Variants in CCDC7 observed in about 807,000 individuals in gnomAD.
CCDC7 encodes the protein coiled-coil domain-containing protein 7.
A neutral mutation model predicts 196.9 loss-of-function variants in CCDC7; 183 were observed. The observed-to-expected ratio is 0.93, with a 90% CI of 0.82 to 1.05. The LOEUF (loss-of-function observed/expected upper bound fraction) is 1.05, where lower values mean the gene tolerates loss of function less well. Ranked by LOEUF, CCDC7 falls within the 50% of genes least tolerant of loss-of-function variation. The pLI is 0.00. For synonymous variants in CCDC7, 525 were observed against 484.6 expected (o/e 1.08, Z -1.10); for missense variants, 1,540 against 1,482.2 (o/e 1.04, Z -0.64).
intron 14 of CCDC7, among the ~76,000 whole-genome samples, chr10:32,566,965 A>G (rs1589982341): frequency 7.5e-6 from 1 of 132,592 alleles, no homozygotes; most frequent in South Asian, 2.5e-4. Context: ...AGGGTTTTTT[A>G]TATATAAATA....
intron 8 of CCDC7, among the ~76,000 whole-genome samples, chr10:32,483,282 C>T (rs2040336488): frequency 6.6e-6 from 1 of 152,196 alleles, no homozygotes; most frequent in Non-Finnish European, 1.5e-5. Context: ...TGTCTTTTGG[C>T]TGCATAAAAG....
chr10:32,468,324 AG>A (rs151074963), intron 5 of CCDC7, among the ~76,000 whole-genome samples: 20,381 of 151,922 alleles, frequency 0.13, 1,611 homozygotes, highest in African/African-American at 0.22. Flanking sequence ...CTGTATTCCT[AG>A]GTATTCTTTT....
chr10:32,740,850 C>G (rs1243185784), intron 28 of CCDC7, among the ~76,000 whole-genome samples: 1 of 151,652 alleles, frequency 6.6e-6, no homozygotes, highest in Non-Finnish European at 1.5e-5. Flanking sequence ...TTAAAGTAAC[C>G]TTTTTTATCA....
chr10:32,766,395 G>T (rs1412673258), intron 28 of CCDC7, among the ~76,000 whole-genome samples: 1 of 152,106 alleles, frequency 6.6e-6, no homozygotes, highest in East Asian at 1.9e-4. Flanking sequence ...AACAAGAGAA[G>T]GTTCTGCAAC....
chr10:32,797,790 G>A (rs1170607598), intron 29 of CCDC7, among the ~76,000 whole-genome samples: 1 of 152,164 alleles, frequency 6.6e-6, no homozygotes, highest in African/African-American at 2.4e-5. Flanking sequence ...TCCTGGCTAT[G>A]GGGGAACGAG....
chr10:32,609,553 A>G (rs978094421), intron 18 of CCDC7, among the ~76,000 whole-genome samples: 3 of 148,874 alleles, frequency 2.0e-5, no homozygotes, highest in African/African-American at 7.4e-5. Flanking sequence ...ATAGCTTTTA[A>G]GTGGGGAACT....
At chr10:32,577,831 G>A (rs998208551) in intron 16 of CCDC7, among the ~76,000 whole-genome samples, 1 of 152,134 alleles carries the variant, frequency 6.6e-6, no homozygotes, top group African/African-American at 2.4e-5. Flanking sequence ...ATCAGATTTT[G>A]GATTAGAGAA....
upstream of CCDC7, chr10:32,451,539 T>C: frequency 7.0e-7 from 1 of 1,433,566 alleles, no homozygotes; most frequent in Non-Finnish European, 9.2e-7. Flanking sequence ...ATGTAGTATG[T>C]GAATTTAATT....
chr10:32,742,453 A>G (rs1462643101), intron 28 of CCDC7, among the ~76,000 whole-genome samples: 1 of 152,190 alleles, frequency 6.6e-6, no homozygotes, highest in East Asian at 1.9e-4. Flanking sequence ...ATCGTACAGA[A>G]TAGTTTCACT....
intron 9 of CCDC7, among the ~76,000 whole-genome samples, chr10:32,503,017 T>C (rs1056906428): frequency 2.0e-5 from 3 of 152,214 alleles, no homozygotes; most frequent in African/African-American, 7.2e-5. Context: ...CCTGCAACTT[T>C]GTTGGATTCA....
At chr10:32,751,291 C>G (rs1244196943) in intron 28 of CCDC7, among the ~76,000 whole-genome samples, 2 of 151,890 alleles carry the variant, frequency 1.3e-5, no homozygotes, top group African/African-American at 4.8e-5. Flanking sequence ...CTTCTTGCCT[C>G]CATTAATTAG....
chr10:32,446,933 C>T (rs1356215471), upstream of CCDC7, among the ~76,000 whole-genome samples: 4 of 52,368 alleles, frequency 7.6e-5, no homozygotes, highest in Non-Finnish European at 2.3e-4. Flanking sequence ...TTCCTTCCTT[C>T]CCCTCTTCCC....
intron 20 of CCDC7, among the ~76,000 whole-genome samples, chr10:32,638,862 G>T (rs1276713419): frequency 6.6e-6 from 1 of 152,102 alleles, no homozygotes. Flanking sequence ...TCTGGTCCTG[G>T]ACTTTTTTTG....
chr10:32,753,174 C>T (rs1204017746), intron 28 of CCDC7, among the ~76,000 whole-genome samples: 4 of 152,044 alleles, frequency 2.6e-5, no homozygotes, highest in Admixed American at 2.6e-4. Context: ...TGCCAATGGA[C>T]TCAAAATCAG....
At chr10:32,718,527 A>G (rs1246339985) in intron 25 of CCDC7, among the ~76,000 whole-genome samples, 2 of 150,900 alleles carry the variant, frequency 1.3e-5, no homozygotes, top group Non-Finnish European at 2.9e-5. Context: ...GGCCAGGGCA[A>G]TTAGGGAAGA....
chr10:32,649,499 G>A lies in CCDC7; in HGVS notation c.2014+14341G>A, dbSNP rs559474415. Among the ~76,000 whole-genome samples, 224 of 152,168 alleles carry A rather than the reference G, an allele frequency of 1.5e-3. 1 individual carries two copies. Among genetic ancestry groups the A allele is most frequent in the Admixed American group, 3.7e-3 (56 of 15,276 alleles). On this transcript the variant is annotated intron_variant, in intron 20 of 41. Transcript: ENST00000639629. ...ATGAATCTGATGATTAATTGCCATA[G>A]GAATGATTATCTTATATCGTATCTG...
chr10:32,878,711 G>A (rs886672036), downstream of CCDC7, among the ~76,000 whole-genome samples: 5 of 152,082 alleles, frequency 3.3e-5, no homozygotes, highest in African/African-American at 1.2e-4. Context: ...TGGTTCTATT[G>A]TGAGAAACTC....
intron 16 of CCDC7, among the ~76,000 whole-genome samples, chr10:32,573,977 A>G (rs1054563782): frequency 7.2e-5 from 11 of 152,198 alleles, no homozygotes; most frequent in Non-Finnish European, 1.2e-4. Context: ...GTTGCATTCT[A>G]TAAAACATTA....
intron 39 of CCDC7, among the ~76,000 whole-genome samples, chr10:32,849,135 C>A (rs527370912): frequency 6.7e-6 from 1 of 149,044 alleles, no homozygotes; most frequent in Non-Finnish European, 1.5e-5. Context: ...TTCATTTATA[C>A]CCATCCGAAA....
Sources: gnomAD v4.1 joint callset for allele counts (sites outside exome capture counted in the v4.1 genomes callset) on GRCh38, gnomAD v4.1.1 for gene constraint, MANE v1.5 for transcripts, NCBI Gene and HGNC (gene_info 2026-07-23, HGNC 2026-07-21) for gene names.